The following PTPN2 variants were observed in gnomAD, a reference collection of about 807,000 sequenced individuals.
PTPN2 encodes protein tyrosine phosphatase non-receptor type 2.
Under a neutral mutation model 57.3 loss-of-function variants are expected in PTPN2, and 19 were observed. The observed-to-expected ratio is 0.33, with a 90% CI of 0.23 to 0.49. The LOEUF is 0.49. Ranked by LOEUF, PTPN2 falls within the 20% of genes least tolerant of loss-of-function variation. The pLI is 0.99. For synonymous variants in PTPN2, 153 were observed against 164.9 expected, an observed-to-expected ratio of 0.93 and a Z score of 0.55; for missense variants, 358 against 501.1, an observed-to-expected ratio of 0.71 and a Z score of 2.73.
chr18:12,883,993 G>C (rs2044767859), intron 1 of PTPN2, 80 bp downstream of exon 1: 2 of 1,293,086 alleles, frequency 1.5e-6, no homozygotes, highest in African/African-American at 3.0e-5. Flanking sequence ...AGGCGGGGGA[G>C]GCGGGAGGGA....
chr18:12,832,060 T>A (rs1486156694), intron 3 of PTPN2, among the ~76,000 whole-genome samples: 1 of 152,172 alleles, frequency 6.6e-6, no homozygotes, highest in African/African-American at 2.4e-5. Flanking sequence ...GAGTGGGGGC[T>A]AGGGCTGCCC....
chr18:12,810,073 T>C (rs2041838414), intron 7 of PTPN2, among the ~76,000 whole-genome samples: 1 of 152,120 alleles, frequency 6.6e-6, no homozygotes, highest in African/African-American at 2.4e-5. Flanking sequence ...TCCCAGTTAC[T>C]TGGGAGGCTG....
At chr18:12,815,497 A>C (rs78496812) in intron 6 of PTPN2, among the ~76,000 whole-genome samples, 1 of 152,150 alleles carries the variant, frequency 6.6e-6, no homozygotes, top group East Asian at 1.9e-4. Flanking sequence ...GATCCACGAT[A>C]ACACTGCTGA....
intron 4 of PTPN2, 55 bp downstream of exon 4, chr18:12,830,888 A>C (rs1022020806): frequency 7.6e-7 from 1 of 1,323,562 alleles, no homozygotes; most frequent in South Asian, 1.3e-5. Context: ...GAAAATCTTT[A>C]TATGCTAATG....
Position 12,794,025 on chromosome 18 carries a change from G to A in PTPN2, c.*253C>T, listed in dbSNP as rs907801915. On this transcript the variant is annotated 3_prime_UTR_variant, in exon 9 of 9. Coordinates refer to ENST00000309660, the MANE Select transcript of PTPN2 (RefSeq NM_002828.4). ...GTGTTTGACATGTATGAATACAGTT[G>A]CAAAATTTACCAGTTTTTAACAAAC... The A allele has an allele frequency of 7.3e-7, 1 of 1,365,016 alleles. No individual in the cohort carries two copies. The highest frequency in any genetic ancestry group is 1.5e-5 in the African/African-American group (1 of 68,442). The allele number at this position is 1,365,016 out of a possible 1,614,324, so 84.6% of individuals were successfully genotyped here. A position where few individuals can be genotyped will look rare whatever the true frequency, so the allele number is the denominator to read the frequency against.
At chr18:12,831,732 C>A (rs539623312) in intron 3 of PTPN2, among the ~76,000 whole-genome samples, 1 of 152,300 alleles carries the variant, frequency 6.6e-6, no homozygotes, top group Non-Finnish European at 1.5e-5. Context: ...AACTGTTAAT[C>A]TACAAATGCA....
intron 8 of PTPN2, among the ~76,000 whole-genome samples, chr18:12,795,187 T>A (rs1443991842): frequency 6.6e-6 from 1 of 152,236 alleles, no homozygotes; most frequent in Non-Finnish European, 1.5e-5. Flanking sequence ...AAAAGCTAGC[T>A]ATTTAATATT....
At chr18:12,877,485 T>C (rs1231392698) in intron 1 of PTPN2, among the ~76,000 whole-genome samples, 1 of 152,106 alleles carries the variant, frequency 6.6e-6, no homozygotes, top group East Asian at 1.9e-4. Context: ...GAATTCAGAG[T>C]TTGTGCAACC....
At position 12,817,243 on chromosome 18, in the gene PTPN2, G is replaced by C. The variant is rs766175622; in HGVS notation, c.618C>G (p.Asn206Lys). The C allele has an allele frequency of 5.0e-6, 8 of 1,614,050 alleles. No individual in the cohort carries two copies. In the African/African-American group the frequency reaches 1.1e-4, roughly 22 times the overall value. The change falls in exon 6 of 9, where the codon AAC becomes AAG. Residue 206 changes from asparagine (N) to lysine (K), a missense_variant. By Grantham distance (94) the Asn-to-Lys change is moderately conservative (BLOSUM62 0). Around this residue, in one of 4 missense-constraint regions of PTPN2, gnomAD observed 193 missense variants for 315.4 expected, o/e 0.61. Coordinates refer to ENST00000309660, the MANE Select transcript of PTPN2 (RefSeq NM_002828.4). Reference protein sequence around the residue: ...LFKVRESGSLNPDHGPAVIHC... With the variant: ...LFKVRESGSLKPDHGPAVIHC... ...GGATCACCGCAGGCCCATGGTCAGG[G>C]TTCAAGGAGCCAGATTCTCTCACTT...
chr18:12,877,747 C>T (rs777933119), intron 1 of PTPN2, among the ~76,000 whole-genome samples: 1 of 152,258 alleles, frequency 6.6e-6, no homozygotes, highest in Non-Finnish European at 1.5e-5. Context: ...CGCAGTGGCT[C>T]ATGCCTATAA....
chr18:12,786,146 CCT>C (rs1335068652), intron 9 of PTPN2: 1 of 406,624 alleles, frequency 2.5e-6, no homozygotes, highest in Non-Finnish European at 4.4e-6. Flanking sequence ...CAAGAAGTGA[CCT>C]CTGTGTGATA....
intron 5 of PTPN2, among the ~76,000 whole-genome samples, chr18:12,821,182 T>C (rs1490413357): frequency 4.6e-5 from 7 of 151,886 alleles, no homozygotes; most frequent in Non-Finnish European, 7.3e-5. Context: ...TAAGCCCCAG[T>C]TCTGTCATCT....
intron 3 of PTPN2, among the ~76,000 whole-genome samples, chr18:12,835,979 G>A (rs2042850762): frequency 6.6e-6 from 1 of 152,048 alleles, no homozygotes; most frequent in African/African-American, 2.4e-5. Flanking sequence ...AATTGACGTA[G>A]TATAATAGCT....
intron 7 of PTPN2, 127 bp downstream of exon 7, chr18:12,814,076 G>A (rs1356956753): frequency 2.6e-6 from 2 of 760,072 alleles, no homozygotes; most frequent in Non-Finnish European, 4.1e-6. Flanking sequence ...AAGACAGCCA[G>A]CTGGATTTAC....
chr18:12,791,162 T>C (rs1418325743), downstream of PTPN2, among the ~76,000 whole-genome samples: 1 of 152,222 alleles, frequency 6.6e-6, no homozygotes, highest in African/African-American at 2.4e-5. Flanking sequence ...ATAAAATAAA[T>C]ACTTGGTTAA....
intron 1 of PTPN2, among the ~76,000 whole-genome samples, chr18:12,876,108 C>G (rs1158853926): frequency 6.6e-6 from 1 of 152,044 alleles, no homozygotes; most frequent in African/African-American, 2.4e-5. Context: ...GATCTCATCA[C>G]TGCACTCCAG....
In PTPN2 at chr18:12,817,335, G is replaced by T; in HGVS notation, c.526C>A (p.His176Asn). Residue 176 changes from histidine (H) to asparagine (N), a missense_variant, in exon 6 of 9, where the codon CAT (histidine) becomes AAT (asparagine). Coordinates refer to ENST00000309660, the MANE Select transcript of PTPN2 (RefSeq NM_002828.4). ...SGETRTISHF[H>N]YTTWPDFGVP... ...CCAAAATCTGGCCAGGTAGTATAAT[G>T]AAAGTGAGATATTGTTCTGGTTTCA... 1 of 1,613,824 alleles carries T rather than the reference G, an allele frequency of 6.2e-7. No homozygotes were observed. The highest frequency in any genetic ancestry group is 8.5e-7 in the Non-Finnish European group (1 of 1,179,744).
intron 4 of PTPN2, among the ~76,000 whole-genome samples, chr18:12,826,201 G>A (rs985589563): frequency 1.3e-5 from 2 of 152,134 alleles, no homozygotes; most frequent in Non-Finnish European, 2.9e-5. Flanking sequence ...TCAGGAGTTC[G>A]AGACCAACCT....
chr18:12,853,889 G>A (rs1311264981), intron 2 of PTPN2, among the ~76,000 whole-genome samples: 2 of 152,076 alleles, frequency 1.3e-5, no homozygotes, highest in Non-Finnish European at 2.9e-5. Context: ...TATTAGAGAG[G>A]AGAGTGGAAA....
Sources: gnomAD v4.1 joint callset for allele counts (sites outside exome capture counted in the v4.1 genomes callset) on GRCh38, gnomAD v4.1.1 for gene constraint, gnomAD v4.1.1 regional missense constraint, MANE v1.5 for transcripts, NCBI Gene and HGNC (gene_info 2026-07-23, HGNC 2026-07-21) for gene names.